Variants in EBF1 observed in about 807,000 individuals in gnomAD.
The protein encoded by EBF1 is transcription factor COE1.
Under a neutral mutation model 68.4 loss-of-function variants are expected in EBF1, and 10 were observed. The ratio of observed to expected loss-of-function variants is 0.15; its 90% CI spans 0.09 to 0.25. The LOEUF (loss-of-function observed/expected upper bound fraction) is 0.25. Ranked by LOEUF, EBF1 falls within the 10% of genes least tolerant of loss-of-function variation. The probability of loss-of-function intolerance (pLI) is 1.00; values close to 1 mark genes in which losing one functional copy is unlikely to be tolerated. For missense variants in EBF1, 509 were observed against 794.4 expected (o/e 0.64, Z 4.32); for synonymous variants, 298 against 299.8 (o/e 0.99, Z 0.06).
intron 6 of EBF1, among the ~76,000 whole-genome samples, chr5:158,924,680 G>A (rs1273617060): frequency 1.3e-5 from 2 of 151,870 alleles, no homozygotes; most frequent in Non-Finnish European, 2.9e-5. Context: ...GTGAAACCCC[G>A]TCTCTACTAA....
At position 159,063,212 on chromosome 5, in the gene EBF1, A is replaced by C. The variant is rs188037378; in HGVS notation, c.554+10184T>G. 7.1e-4 allele frequency among the ~76,000 whole-genome samples: 108 copies of C among 152,316 alleles called. 1 individual carries two copies. Among genetic ancestry groups the C allele is most frequent in the African/African-American group, 2.3e-3 (95 of 41,578 alleles). On this transcript the variant is annotated intron_variant, in intron 6 of 15. Coordinates refer to ENST00000313708, the MANE Select transcript of EBF1 (RefSeq NM_024007.5). ...TTACAACCTACCCTCCAAAGCGCTC[A>C]TCTACCTGCCTGTGCTCAGCAATAC... is the stretch of plus-strand genomic sequence containing the variant.
intron 4 of EBF1, among the ~76,000 whole-genome samples, chr5:159,087,078 C>T (rs1277978242): frequency 6.6e-6 from 1 of 151,798 alleles, no homozygotes; most frequent in African/African-American, 2.4e-5. Flanking sequence ...CTTCTAAATC[C>T]TATTAGTACT....
chr5:158,834,976 G>A (rs1467557451), intron 7 of EBF1, among the ~76,000 whole-genome samples: 1 of 152,188 alleles, frequency 6.6e-6, no homozygotes. Flanking sequence ...ACATTGACAT[G>A]TAAGGAGGAG....
intron 15 of EBF1, among the ~76,000 whole-genome samples, chr5:158,706,578 C>G (rs1314430330): frequency 6.6e-6 from 1 of 152,164 alleles, no homozygotes; most frequent in Non-Finnish European, 1.5e-5. Flanking sequence ...TAGAAATATG[C>G]ATGTACTTGT....
rs188819647 is a variant in EBF1, at chr5:158,914,683, G to A, written c.555-74573C>T. ...AGATCAACCACGGTTTTGGCTGTGT[G>A]TGGGGCGGTAGGAGGTGGGGAAAGG... is the stretch of plus-strand genomic sequence containing the variant. On this transcript the variant is annotated intron_variant, in intron 6 of 15. Transcript: ENST00000313708. 3.9e-5 allele frequency among the ~76,000 whole-genome samples: 6 copies of A among 152,278 alleles called. No individual in the cohort carries two copies. The East Asian group carries it at 1.2e-3, about 29-fold the overall frequency.
chr5:159,015,573 C>T (rs577571176), intron 6 of EBF1, among the ~76,000 whole-genome samples: 18 of 152,302 alleles, frequency 1.2e-4, no homozygotes, highest in African/African-American at 4.3e-4. Context: ...TGTCTGCTGC[C>T]ACCTCCATTT....
chr5:158,907,065 C>A (rs929957777), intron 6 of EBF1, among the ~76,000 whole-genome samples: 7 of 152,186 alleles, frequency 4.6e-5, no homozygotes, highest in East Asian at 3.8e-4. Context: ...GAACTCAGTT[C>A]TAAAACCAGG....
At chr5:158,787,073 G>C (rs550755006) in intron 9 of EBF1, among the ~76,000 whole-genome samples, 2 of 152,168 alleles carry the variant, frequency 1.3e-5, no homozygotes, top group Non-Finnish European at 2.9e-5. Flanking sequence ...GGAACTCAGA[G>C]ATGTAATAAA....
At chr5:158,921,852 C>T (rs1808508512) in intron 6 of EBF1, among the ~76,000 whole-genome samples, 1 of 152,210 alleles carries the variant, frequency 6.6e-6, no homozygotes, top group African/African-American at 2.4e-5. Flanking sequence ...GATTCCCTGG[C>T]ACAAACATAT....
intron 6 of EBF1, among the ~76,000 whole-genome samples, chr5:158,934,531 C>T (rs774432930): frequency 4.6e-5 from 7 of 152,176 alleles, no homozygotes; most frequent in Non-Finnish European, 8.8e-5. Context: ...AAAGGTTTTT[C>T]GTAGTTCAAA....
In EBF1 at chr5:159,045,345, C is replaced by T. The variant is rs1423758419; in HGVS notation, c.554+28051G>A. Among the ~76,000 whole-genome samples the T allele has an allele frequency of 2.6e-5, 4 of 151,964 alleles. 1 individual carries two copies. The highest frequency in any genetic ancestry group is 5.9e-5 in the Non-Finnish European group (4 of 67,996). ...CAAAACGCAGAAGAGAAGTTATACACAGTTCCTCCCTCCCTCCTTTTTTCT... is the reference window on the plus strand; with the variant it reads ...CAAAACGCAGAAGAGAAGTTATACATAGTTCCTCCCTCCCTCCTTTTTTCT... On this transcript the variant is annotated intron_variant, in intron 6 of 15. Transcript: ENST00000313708.
chr5:158,930,640 AATTT>A (rs1387183558), intron 6 of EBF1, among the ~76,000 whole-genome samples: 3 of 152,134 alleles, frequency 2.0e-5, no homozygotes, highest in African/African-American at 7.2e-5. Flanking sequence ...GCATTTTAGG[AATTT>A]ATTTATCACA....
chr5:159,072,725 G>T (rs181150471), intron 6 of EBF1, among the ~76,000 whole-genome samples: 6 of 152,244 alleles, frequency 3.9e-5, no homozygotes, highest in Admixed American at 1.3e-4. Context: ...TGCATAATGC[G>T]TGCACACTGA....
intron 6 of EBF1, among the ~76,000 whole-genome samples, chr5:159,034,701 T>C (rs1349314371): frequency 6.6e-6 from 1 of 152,202 alleles, no homozygotes; most frequent in Non-Finnish European, 1.5e-5. Flanking sequence ...TTGTTTTCCA[T>C]TGCTCTTGCT....
intron 6 of EBF1, among the ~76,000 whole-genome samples, chr5:158,973,671 C>T (rs1756122802): frequency 6.6e-6 from 1 of 152,192 alleles, no homozygotes; most frequent in South Asian, 2.1e-4. Context: ...TATCATTATA[C>T]CCCCAAGTAA....
rs143689975 is a variant in EBF1, at chr5:158,866,389, C to T, written c.555-26279G>A. Among the ~76,000 whole-genome samples the T allele has an allele frequency of 1.5e-3, 227 of 152,312 alleles. 1 individual carries two copies. The highest frequency in any genetic ancestry group is 5.4e-3 in the African/African-American group (225 of 41,580). On this transcript the variant is annotated intron_variant, in intron 6 of 15. Transcript: ENST00000313708. ...AAATCTCTCACCTAAGGAACATCATCATTTTTCTCTTGTCACAACCCTTCC... is the reference window on the plus strand; with the variant it reads ...AAATCTCTCACCTAAGGAACATCATTATTTTTCTCTTGTCACAACCCTTCC...
intron 10 of EBF1, among the ~76,000 whole-genome samples, chr5:158,756,397 A>G (rs556233991): frequency 1.3e-5 from 2 of 152,218 alleles, no homozygotes; most frequent in South Asian, 4.1e-4. Flanking sequence ...TTGTAAAATC[A>G]CTGAACTCTG....
chr5:158,943,331 T>TACACACAC (rs59821779), intron 6 of EBF1, among the ~76,000 whole-genome samples: 9 of 149,320 alleles, frequency 6.0e-5, no homozygotes, highest in African/African-American at 2.0e-4. Context: ...GTTTATTGGA[T>TACACACAC]ACACACACAC....
intron 8 of EBF1, among the ~76,000 whole-genome samples, chr5:158,813,935 G>A (rs1414773254): frequency 6.6e-5 from 10 of 152,100 alleles, no homozygotes. Context: ...CTCAAGTGAG[G>A]GGAGCTCCTG....
Sources: allele counts gnomAD v4.1 joint callset (sites outside exome capture counted in the v4.1 genomes callset), GRCh38; gene constraint gnomAD v4.1.1; transcripts MANE v1.5; gene names NCBI Gene and HGNC (gene_info 2026-07-23, HGNC 2026-07-21).